TMEM116: variants seen among roughly 807,000 people sequenced by gnomAD.
TMEM116 encodes transmembrane protein 116.
TMEM116 carries 38 observed loss-of-function variants against 44.3 expected under a neutral mutation model. The ratio of observed to expected loss-of-function variants is 0.86; its 90% CI spans 0.66 to 1.12. The LOEUF (loss-of-function observed/expected upper bound fraction) is 1.12, where lower values mean the gene tolerates loss of function less well. TMEM116 is among the 50% of genes most tolerant of loss of function. The pLI, the probability that TMEM116 is intolerant of heterozygous loss-of-function variation, is 0.00. For synonymous variants in TMEM116, 132 were observed against 144.8 expected, an observed-to-expected ratio of 0.91 and a Z score of 0.64; for missense variants, 354 against 401.7, an observed-to-expected ratio of 0.88 and a Z score of 1.01.
chr12:111,968,526 G>A (rs1336639247), intron 4 of TMEM116, among the ~76,000 whole-genome samples: 2 of 152,056 alleles, frequency 1.3e-5, no homozygotes, highest in African/African-American at 4.8e-5. Flanking sequence ...AAGATTACCA[G>A]TCATACAAAG....
intron 5 of TMEM116, among the ~76,000 whole-genome samples, chr12:111,942,704 G>A (rs533890809): frequency 6.6e-6 from 1 of 152,298 alleles, no homozygotes; most frequent in African/African-American, 2.4e-5. Flanking sequence ...TTCCCTTGCT[G>A]AGTCAAACCA....
intron 3 of TMEM116, among the ~76,000 whole-genome samples, chr12:111,992,199 A>C (rs910191382): frequency 1.3e-5 from 2 of 152,126 alleles, no homozygotes; most frequent in African/African-American, 4.8e-5. Context: ...AAAGATGAGA[A>C]ATTTTGTGGT....
At chr12:111,933,837 C>T in intron 9 of TMEM116, 49 bp downstream of exon 9, 1 of 1,606,748 alleles carries the variant, frequency 6.2e-7, no homozygotes, top group Non-Finnish European at 8.5e-7. Flanking sequence ...TTGATCAGAA[C>T]CTAATAACTG....
At chr12:111,944,034 C>G (rs910020259) in intron 4 of TMEM116, among the ~76,000 whole-genome samples, 1 of 151,962 alleles carries the variant, frequency 6.6e-6, no homozygotes, top group African/African-American at 2.4e-5. Flanking sequence ...CTAGTAATGA[C>G]AGGCTAAGCT....
intron 7 of TMEM116, 31 bp downstream of exon 7, chr12:111,937,129 C>T (rs2072230429): frequency 6.4e-7 from 1 of 1,564,836 alleles, no homozygotes; most frequent in Non-Finnish European, 8.8e-7. Flanking sequence ...TGTAGTCTGC[C>T]ATGAAAATTA....
intron 4 of TMEM116, chr12:111,965,728 A>G: frequency 2.5e-6 from 1 of 394,644 alleles, no homozygotes; most frequent in Non-Finnish European, 5.0e-6. Context: ...ATTCAGGACC[A>G]GCCTGGCAAA....
intron 4 of TMEM116, among the ~76,000 whole-genome samples, chr12:111,969,411 T>A (rs562206787): frequency 6.6e-6 from 1 of 152,144 alleles, no homozygotes; most frequent in Admixed American, 6.5e-5. Context: ...TATTTATTTT[T>A]TTTTTTTGAG....
At position 111,931,592 on chromosome 12, in the gene TMEM116, C is replaced by T; in HGVS notation, c.*29G>A. ...CCAATCCATTAGCGTAGAATAACTCCAGTTCCTGGATGTTCCAGTATTGTA... is the reference window on the plus strand; with the variant it reads ...CCAATCCATTAGCGTAGAATAACTCTAGTTCCTGGATGTTCCAGTATTGTA... On this transcript the variant is annotated 3_prime_UTR_variant, in exon 11 of 11. Coordinates refer to ENST00000552374, the MANE Select transcript of TMEM116 (RefSeq NM_001193531.2). The T allele has an allele frequency of 6.3e-7, 1 of 1,595,756 alleles. No homozygotes were observed. Among genetic ancestry groups the T allele is most frequent in the Non-Finnish European group, 8.6e-7 (1 of 1,163,462 alleles).
rs565781568 is a variant in TMEM116 at position 111,937,138 on chromosome 12, T to C, written c.449+22A>G. ...AATAGGTGTAGTCTGCCATGAAAAT[T>C]ATACATTTAGTTCTTACTTACTTGT... is the stretch of plus-strand genomic sequence containing the variant. On this transcript the variant is annotated intron_variant, in intron 7 of 10. Transcript: ENST00000552374. 3.1e-6 allele frequency: 5 copies of C among 1,590,146 alleles called. No homozygotes were observed. In the South Asian group the frequency reaches 5.5e-5, roughly 18 times the overall value.
At chr12:111,996,675 C>T (rs186967915) in intron 3 of TMEM116, among the ~76,000 whole-genome samples, 1 of 152,094 alleles carries the variant, frequency 6.6e-6, no homozygotes, top group South Asian at 2.1e-4. Flanking sequence ...TAAGCTTATG[C>T]ATTTGCGCAC....
intron 4 of TMEM116, among the ~76,000 whole-genome samples, chr12:111,984,480 T>G (rs866084387): frequency 2.0e-5 from 3 of 152,074 alleles, no homozygotes; most frequent in Middle Eastern, 6.8e-3. Context: ...AAAATATATA[T>G]AGTAATGGGT....
In TMEM116 at chr12:111,936,801, G is replaced by C. The variant is rs761226864; in HGVS notation, c.479C>G (p.Ala160Gly). Residue 160 changes from alanine to glycine, a missense_variant, in exon 8 of 11, where the codon GCC becomes GGC. Physicochemically the swap from Ala to Gly is moderately conservative, Grantham distance 60 (BLOSUM62 0). Coordinates refer to ENST00000552374, the MANE Select transcript of TMEM116 (RefSeq NM_001193531.2). ...KCILMHSPPS[A>G]MAELPPSANT... Reference sequence around the variant, plus strand: ...GGCAGAAGGTGGAAGTTCAGCCATGGCTGATGGTGGTGAGTGCATCAAGAT... The same window carrying C: ...GGCAGAAGGTGGAAGTTCAGCCATGCCTGATGGTGGTGAGTGCATCAAGAT... 3.2e-5 allele frequency: 51 copies of C among 1,611,120 alleles called. 1 individual carries two copies. In the South Asian group the frequency reaches 5.5e-4, roughly 17 times the overall value.
At chr12:111,995,356 T>A (rs143134184) in intron 3 of TMEM116, among the ~76,000 whole-genome samples, 11 of 152,188 alleles carry the variant, frequency 7.2e-5, no homozygotes, top group African/African-American at 2.6e-4. Context: ...AAAGAGACAG[T>A]CTTTTCAAAA....
intron 4 of TMEM116, among the ~76,000 whole-genome samples, chr12:111,979,653 G>A (rs906797278): frequency 2.0e-5 from 3 of 152,124 alleles, no homozygotes; most frequent in Non-Finnish European, 4.4e-5. Flanking sequence ...AATCTGTTCT[G>A]CAGAAGACTC....
chr12:111,996,945 T>G (rs1442716798), intron 3 of TMEM116, among the ~76,000 whole-genome samples: 2 of 152,196 alleles, frequency 1.3e-5, no homozygotes, highest in Non-Finnish European at 2.9e-5. Context: ...AAAATACATA[T>G]AGCATTATTC....
chr12:111,954,464 A>T (rs1224541213), intron 4 of TMEM116, among the ~76,000 whole-genome samples: 1 of 152,250 alleles, frequency 6.6e-6, no homozygotes, highest in East Asian at 1.9e-4. Context: ...GAACAATAAT[A>T]GTTTATACTA....
chr12:112,008,245 G>A (rs531713474), intron 1 of TMEM116, among the ~76,000 whole-genome samples: 30 of 152,300 alleles, frequency 2.0e-4, no homozygotes, highest in Admixed American at 1.8e-3. Flanking sequence ...CACTTTCGGA[G>A]GCCGAGGCGT....
rs944089990 is a variant in TMEM116 at position 111,959,116 on chromosome 12, C to T, written c.211-15747G>A. Among the ~76,000 whole-genome samples the T allele has an allele frequency of 2.0e-5, 3 of 152,158 alleles. No homozygotes were observed. In the East Asian group the frequency reaches 5.8e-4, roughly 29 times the overall value. On this transcript the variant is annotated intron_variant, in intron 4 of 10. Transcript: ENST00000552374. ...CCAGAGAGAAAGGTCAGGTTACCCA[C>T]AAAGGGAAGCCCATCAGACTAACAG...
intron 4 of TMEM116, among the ~76,000 whole-genome samples, chr12:111,964,379 T>C (rs1035404016): frequency 1.3e-5 from 2 of 150,060 alleles, no homozygotes; most frequent in African/African-American, 2.5e-5. Flanking sequence ...GAGATGGAGG[T>C]TGCAGTGAGC....
Sources: allele counts gnomAD v4.1 joint callset (sites outside exome capture counted in the v4.1 genomes callset), GRCh38; gene constraint gnomAD v4.1.1; transcripts MANE v1.5; gene names NCBI Gene and HGNC (gene_info 2026-07-23, HGNC 2026-07-21).